The following XKR6 variants were observed in gnomAD, a reference collection of about 807,000 sequenced individuals.
The protein encoded by XKR6 is XK related 6.
A neutral mutation model predicts 56.7 loss-of-function variants in XKR6; 22 were observed. The observed-to-expected ratio is 0.39, with a 90% CI of 0.28 to 0.55. The LOEUF (loss-of-function observed/expected upper bound fraction) is 0.55, where lower values mean the gene tolerates loss of function less well. Among genes scored for constraint, XKR6 ranks in the 20% least tolerant of loss-of-function variants. XKR6 has a pLI of 0.66. For missense variants in XKR6, 852 were observed against 889.0 expected, an observed-to-expected ratio of 0.96 and a Z score of 0.53; for synonymous variants, 524 against 387.8, an observed-to-expected ratio of 1.35 and a Z score of -4.13.
rs145176572 is a variant in XKR6, at chr8:10,976,529, C to T, written c.765-51699G>A. Among the ~76,000 whole-genome samples, 10 of 152,280 alleles carry T rather than the reference C, an allele frequency of 6.6e-5. No individual in the cohort carries two copies. The East Asian group carries it at 9.7e-4, about 15-fold the overall frequency. ...GGGTGGTGTTAGGGCTCCCTGTGCA[C>T]GGAGGCCTGCAATCATTTGGACAAC... On this transcript the variant is annotated intron_variant, in intron 1 of 2. Coordinates refer to ENST00000416569, the MANE Select transcript of XKR6 (RefSeq NM_173683.4).
Position 11,188,613 on chromosome 8 carries a change from T to C in XKR6, c.764+11963A>G, listed in dbSNP as rs150317301. Among the ~76,000 whole-genome samples, 11 of 152,352 alleles carry C rather than the reference T, an allele frequency of 7.2e-5. No homozygotes were observed. The East Asian group carries it at 2.1e-3, about 29-fold the overall frequency. On this transcript the variant is annotated intron_variant, in intron 1 of 2. Transcript: ENST00000416569. ...CTTTTCCTTCAGAGTTTTCTTCAGCTTTGAAGGCAAAGTGGCATCTTTTAA... is the reference window on the plus strand; with the variant it reads ...CTTTTCCTTCAGAGTTTTCTTCAGCCTTGAAGGCAAAGTGGCATCTTTTAA...
chr8:10,905,901 T>C (rs776752066), intron 2 of XKR6, among the ~76,000 whole-genome samples: 1 of 152,172 alleles, frequency 6.6e-6, no homozygotes, highest in Non-Finnish European at 1.5e-5. Flanking sequence ...CATAACCCAC[T>C]GTCTCCCGTC....
At chr8:11,099,114 A>T (rs1337683114) in intron 1 of XKR6, among the ~76,000 whole-genome samples, 1 of 151,954 alleles carries the variant, frequency 6.6e-6, no homozygotes, top group Non-Finnish European at 1.5e-5. Context: ...AGCAGCTGCC[A>T]CCTCCCTGGG....
intron 1 of XKR6, among the ~76,000 whole-genome samples, chr8:10,990,348 T>C (rs543650780): frequency 6.6e-6 from 1 of 152,342 alleles, no homozygotes; most frequent in African/African-American, 2.4e-5. Context: ...CTGAAAAGCC[T>C]GCTCTGGTCC....
chr8:11,037,716 G>C (rs1413989866), intron 1 of XKR6, among the ~76,000 whole-genome samples: 1 of 152,176 alleles, frequency 6.6e-6, no homozygotes, highest in East Asian at 1.9e-4. Context: ...AAATTGGCTG[G>C]GCATGGTGGC....
intron 1 of XKR6, among the ~76,000 whole-genome samples, chr8:11,007,605 G>C (rs979223872): frequency 1.8e-4 from 27 of 152,304 alleles, no homozygotes; most frequent in African/African-American, 6.5e-4. Flanking sequence ...GAGGAAGGCA[G>C]ACTGGAGGAG....
chr8:11,193,540 A>T (rs1420035740), intron 1 of XKR6, among the ~76,000 whole-genome samples: 1 of 152,212 alleles, frequency 6.6e-6, no homozygotes. Flanking sequence ...CTTTCCTAAA[A>T]ATTCGACTAG....
At chr8:11,099,129 G>C (rs1469065521) in intron 1 of XKR6, among the ~76,000 whole-genome samples, 1 of 152,152 alleles carries the variant, frequency 6.6e-6, no homozygotes, top group Non-Finnish European at 1.5e-5. Flanking sequence ...CCTGGGAAGA[G>C]GCAGGCACCC....
intron 1 of XKR6, among the ~76,000 whole-genome samples, chr8:11,198,022 G>C (rs975020450): frequency 1.3e-5 from 2 of 152,148 alleles, no homozygotes; most frequent in African/African-American, 2.4e-5. Context: ...AGAAATATTA[G>C]ATCTTAACCT....
At chr8:11,079,984 A>C (rs776498546) in intron 1 of XKR6, among the ~76,000 whole-genome samples, 4 of 152,038 alleles carry the variant, frequency 2.6e-5, no homozygotes, top group Admixed American at 6.6e-5. Context: ...TAAATAAATA[A>C]ATACATAAAT....
chr8:11,138,351 T>A (rs1364708134), intron 1 of XKR6: 1 of 152,344 alleles, frequency 6.6e-6, no homozygotes, highest in Non-Finnish European at 1.5e-5. Context: ...TGGTCAGGCA[T>A]CTATCATAAA....
rs374252313 is a variant in XKR6, at chr8:10,924,374, G to A, written c.961+260C>T. On this transcript the variant is annotated intron_variant, in intron 2 of 2. Coordinates refer to ENST00000416569, the MANE Select transcript of XKR6 (RefSeq NM_173683.4). ...TGGGGAGACCCAGAGCCCTCTACCCGGCTGGCTCTGCTCTGCTCACATGGA... is the reference window on the plus strand; with the variant it reads ...TGGGGAGACCCAGAGCCCTCTACCCAGCTGGCTCTGCTCTGCTCACATGGA... Among the ~76,000 whole-genome samples, 292 of 152,370 alleles carry A rather than the reference G, an allele frequency of 1.9e-3. 1 individual carries two copies. The highest frequency in any genetic ancestry group is 3.4e-3 in the Middle Eastern group (1 of 294).
At chr8:11,197,354 C>G (rs915020977) in intron 1 of XKR6, among the ~76,000 whole-genome samples, 3 of 152,174 alleles carry the variant, frequency 2.0e-5, no homozygotes, top group African/African-American at 7.2e-5. Flanking sequence ...AAAAGTAACA[C>G]AAAAGCAGAG....
intron 1 of XKR6, among the ~76,000 whole-genome samples, chr8:11,177,651 A>G (rs903704365): frequency 3.3e-5 from 5 of 152,234 alleles, no homozygotes; most frequent in African/African-American, 1.2e-4. Context: ...CGCAGAGGGA[A>G]AACACCAGTG....
chr8:11,158,532 T>C (rs748631125), intron 1 of XKR6, among the ~76,000 whole-genome samples: 7 of 152,112 alleles, frequency 4.6e-5, no homozygotes, highest in Non-Finnish European at 7.4e-5. Context: ...TCCCAACAAT[T>C]ATGGAGCAAC....
chr8:10,913,549 G>A (rs1800470538), intron 2 of XKR6, among the ~76,000 whole-genome samples: 1 of 152,196 alleles, frequency 6.6e-6, no homozygotes, highest in Non-Finnish European at 1.5e-5. Flanking sequence ...TTTCTGCCAA[G>A]AGCAGATGTC....
intron 1 of XKR6, among the ~76,000 whole-genome samples, chr8:11,110,569 C>T (rs989401981): frequency 1.3e-5 from 2 of 152,158 alleles, no homozygotes; most frequent in Non-Finnish European, 2.9e-5. Context: ...TGATCCATTT[C>T]CAAGTTGCTC....
intron 1 of XKR6, among the ~76,000 whole-genome samples, chr8:10,987,011 A>T (rs1797878837): frequency 6.6e-6 from 1 of 151,900 alleles, no homozygotes; most frequent in Non-Finnish European, 1.5e-5. Flanking sequence ...GCTGGTCTTG[A>T]ACTCTTAGAT....
chr8:10,921,313 T>C (rs1486163823), intron 2 of XKR6, among the ~76,000 whole-genome samples: 2 of 152,216 alleles, frequency 1.3e-5, no homozygotes, highest in Non-Finnish European at 2.9e-5. Flanking sequence ...GAAATCTCCC[T>C]AGGACCTGGC....
Sources: allele counts gnomAD v4.1 joint callset (sites outside exome capture counted in the v4.1 genomes callset), GRCh38; gene constraint gnomAD v4.1.1; transcripts MANE v1.5; gene names NCBI Gene and HGNC (gene_info 2026-07-23, HGNC 2026-07-21).